The following LHFPL3 variants were observed in gnomAD, a reference collection of about 807,000 sequenced individuals.
LHFPL3 encodes the protein LHFPL tetraspan subfamily member 3 protein.
In LHFPL3, 5 loss-of-function variants were observed where a neutral mutation model predicts 19.3. The observed-to-expected ratio is 0.26, with a 90% CI of 0.14 to 0.54. The LOEUF (loss-of-function observed/expected upper bound fraction) is 0.54. Ranked by LOEUF, LHFPL3 falls within the 20% of genes least tolerant of loss-of-function variation. The pLI is 0.94. For synonymous variants in LHFPL3, 133 were observed against 126.2 expected (o/e 1.05, Z -0.36); for missense variants, 249 against 307.4 (o/e 0.81, Z 1.42).
At chr7:104,778,795 T>C (rs1475977189) in intron 2 of LHFPL3, among the ~76,000 whole-genome samples, 1 of 152,234 alleles carries the variant, frequency 6.6e-6, no homozygotes, top group African/African-American at 2.4e-5. Flanking sequence ...ACTGTCATAG[T>C]CAGCAACCAT....
chr7:104,884,264 C>A (rs989777520), intron 2 of LHFPL3, among the ~76,000 whole-genome samples: 13 of 152,174 alleles, frequency 8.5e-5, no homozygotes, highest in Admixed American at 5.9e-4. Context: ...TCTCTTCCCC[C>A]TTCCTCTTTC....
intron 2 of LHFPL3, among the ~76,000 whole-genome samples, chr7:104,747,264 T>C (rs761220580): frequency 2.0e-5 from 3 of 152,248 alleles, no homozygotes; most frequent in Non-Finnish European, 4.4e-5. Flanking sequence ...CTTCTTAGAA[T>C]GTTACACATT....
At chr7:104,562,941 G>A (rs569030790) in intron 1 of LHFPL3, among the ~76,000 whole-genome samples, 29 of 150,324 alleles carry the variant, frequency 1.9e-4, no homozygotes, top group Non-Finnish European at 3.3e-4. Context: ...GTACCCTGCC[G>A]TGTGAGGTGT....
At position 104,331,141 on chromosome 7, in the gene LHFPL3, C is replaced by T. The variant is rs182114835; in HGVS notation, c.445+1917C>T. ...ATACCAGCTTTGAAGTTAATACAAA[C>T]TGCAACCATTACAAGGTTTTTTTGT... On this transcript the variant is annotated intron_variant, in intron 1 of 2. Coordinates refer to ENST00000424859, the MANE Select transcript of LHFPL3 (RefSeq NM_199000.3). 1.6e-3 allele frequency among the ~76,000 whole-genome samples: 248 copies of T among 152,332 alleles called. 2 individuals carry two copies. The highest frequency in any genetic ancestry group is 8.5e-3 in the South Asian group (41 of 4,826).
At chr7:104,517,843 T>C (rs1399018438) in intron 1 of LHFPL3, among the ~76,000 whole-genome samples, 1 of 152,012 alleles carries the variant, frequency 6.6e-6, no homozygotes, top group African/African-American at 2.4e-5. Flanking sequence ...ATGTACTTAT[T>C]TTTGTGAGCA....
At chr7:104,901,785 G>C (rs985004390) in intron 2 of LHFPL3, among the ~76,000 whole-genome samples, 1 of 151,944 alleles carries the variant, frequency 6.6e-6, no homozygotes, top group African/African-American at 2.4e-5. Flanking sequence ...GCCCAGGCTG[G>C]TCTTGAACTC....
chr7:104,623,892 G>T (rs1411160398), intron 1 of LHFPL3, among the ~76,000 whole-genome samples: 2 of 152,118 alleles, frequency 1.3e-5, no homozygotes, highest in South Asian at 4.1e-4. Flanking sequence ...ACACAGATGA[G>T]TCCTGCCCAA....
intron 1 of LHFPL3, among the ~76,000 whole-genome samples, chr7:104,718,526 GC>G (rs1365618414): frequency 6.6e-6 from 1 of 152,148 alleles, no homozygotes; most frequent in Non-Finnish European, 1.5e-5. Flanking sequence ...TCTAATTTCA[GC>G]CTATAGTGAC....
At chr7:104,467,809 GTTTA>G (rs2115601091) in intron 1 of LHFPL3, among the ~76,000 whole-genome samples, 1 of 152,264 alleles carries the variant, frequency 6.6e-6, no homozygotes, top group East Asian at 1.9e-4. Context: ...AAGTCATTTG[GTTTA>G]TTTATTTTCT....
At chr7:104,753,079 T>C (rs1794208475) in intron 2 of LHFPL3, among the ~76,000 whole-genome samples, 1 of 152,224 alleles carries the variant, frequency 6.6e-6, no homozygotes, top group Admixed American at 6.5e-5. Context: ...TGCAATTAAT[T>C]TGAGGACCAC....
rs961744402 is a variant in LHFPL3, at chr7:104,861,991, G to T, written c.683-44196G>T. On this transcript the variant is annotated intron_variant, in intron 2 of 2. Coordinates refer to ENST00000424859, the MANE Select transcript of LHFPL3 (RefSeq NM_199000.3). ...GCTGCCTGTTTATTATAAAAGCACT[G>T]CAGCTTCTCATTCCTGGAGGCAGCA... 5.3e-5 allele frequency among the ~76,000 whole-genome samples: 8 copies of T among 152,266 alleles called. No homozygotes were observed. The East Asian group carries it at 1.5e-3, about 29-fold the overall frequency.
At chr7:104,455,468 C>G (rs1792521321) in intron 1 of LHFPL3, among the ~76,000 whole-genome samples, 1 of 152,178 alleles carries the variant, frequency 6.6e-6, no homozygotes, top group Non-Finnish European at 1.5e-5. Context: ...CACCTGTAAT[C>G]CCAGCACTTT....
At chr7:104,441,039 G>A (rs1792215559) in intron 1 of LHFPL3, among the ~76,000 whole-genome samples, 1 of 146,726 alleles carries the variant, frequency 6.8e-6, no homozygotes, top group African/African-American at 2.5e-5. Context: ...TGAGTGTGTG[G>A]TAAGAACTCT....
At chr7:104,378,772 T>G (rs1790765199) in intron 1 of LHFPL3, among the ~76,000 whole-genome samples, 1 of 152,216 alleles carries the variant, frequency 6.6e-6, no homozygotes, top group South Asian at 2.1e-4. Context: ...CTTTTTAATG[T>G]ACTTACTGGC....
intron 1 of LHFPL3, among the ~76,000 whole-genome samples, chr7:104,513,468 G>GA (rs1416470605): frequency 6.6e-6 from 1 of 152,218 alleles, no homozygotes; most frequent in Non-Finnish European, 1.5e-5. Context: ...GGGAGAAACA[G>GA]AAACAGGGAA....
chr7:104,852,914 C>T (rs1015475165), intron 2 of LHFPL3, among the ~76,000 whole-genome samples: 7 of 152,210 alleles, frequency 4.6e-5, no homozygotes, highest in African/African-American at 1.4e-4. Flanking sequence ...CTCTCTTGAA[C>T]CCTGAAACCC....
chr7:104,642,711 C>T (rs1347312656), intron 1 of LHFPL3, among the ~76,000 whole-genome samples: 3 of 152,188 alleles, frequency 2.0e-5, no homozygotes, highest in Non-Finnish European at 4.4e-5. Context: ...CCTGGGCCCC[C>T]ACTCTCACAT....
chr7:104,602,556 T>C (rs1253255001), intron 1 of LHFPL3, among the ~76,000 whole-genome samples: 15 of 152,224 alleles, frequency 9.9e-5, no homozygotes, highest in Admixed American at 9.8e-4. Flanking sequence ...CTATTCAATA[T>C]TGATTACAGA....
chr7:104,584,524 G>A (rs533316854), intron 1 of LHFPL3, among the ~76,000 whole-genome samples: 1 of 151,924 alleles, frequency 6.6e-6, no homozygotes, highest in Non-Finnish European at 1.5e-5. Flanking sequence ...GAGAAGTTTT[G>A]CCACAATTTC....
Sources: gnomAD v4.1 joint callset for allele counts (sites outside exome capture counted in the v4.1 genomes callset) on GRCh38, gnomAD v4.1.1 for gene constraint, MANE v1.5 for transcripts, NCBI Gene and HGNC (gene_info 2026-07-23, HGNC 2026-07-21) for gene names.